Variants in CBL observed in about 807,000 individuals in gnomAD.
CBL encodes E3 ubiquitin-protein ligase CBL.
A neutral mutation model predicts 96.9 loss-of-function variants in CBL; 45 were observed. That is an observed-to-expected ratio of 0.46 (90% CI 0.37 to 0.60). The LOEUF (loss-of-function observed/expected upper bound fraction) is 0.60, where lower values mean the gene tolerates loss of function less well. CBL is among the 20% of genes least tolerant of loss of function. The pLI is 0.00. For synonymous variants in CBL, 420 were observed against 426.8 expected (o/e 0.98, Z 0.20); for missense variants, 1,024 against 1,143.5 (o/e 0.90, Z 1.51).
At chr11:119,224,699 T>C (rs1422165659) in intron 1 of CBL, among the ~76,000 whole-genome samples, 3 of 152,042 alleles carry the variant, frequency 2.0e-5, no homozygotes, top group African/African-American at 7.2e-5. Context: ...CAAGCGATTC[T>C]CCTGCGTCAG....
In CBL at chr11:119,278,267, C is replaced by A; in HGVS notation, c.1197C>A (p.Leu399=). 1 of 1,613,642 alleles carries A rather than the reference C, an allele frequency of 6.2e-7. No individual in the cohort carries two copies. The highest frequency in any genetic ancestry group is 8.5e-7 in the Non-Finnish European group (1 of 1,179,592). ...TAAAGATTGAGCCCTGTGGACACCT[C>A]ATGTGCACATCCTGTCTTACATCCT... The part of the protein sequence containing the change: ...KDVKIEPCGH[L]MCTSCLTSWQ... Residue 399 remains leucine (L), a synonymous_variant, in exon 8 of 16, where the codon CTC becomes CTA. Coordinates refer to ENST00000264033, the MANE Select transcript of CBL (RefSeq NM_005188.4).
intron 2 of CBL, among the ~76,000 whole-genome samples, chr11:119,269,474 G>A (rs1949827097): frequency 6.6e-6 from 1 of 151,480 alleles, no homozygotes; most frequent in Admixed American, 6.6e-5. Flanking sequence ...GAAAATTTTG[G>A]GATTACAGGC....
At chr11:119,238,811 A>G (rs1298418928) in intron 2 of CBL, among the ~76,000 whole-genome samples, 1 of 152,180 alleles carries the variant, frequency 6.6e-6, no homozygotes, top group African/African-American at 2.4e-5. Flanking sequence ...AGGCTGGGCA[A>G]CGGAGCGAGA....
intron 2 of CBL, among the ~76,000 whole-genome samples, chr11:119,254,176 G>A (rs1017021401): frequency 2.0e-5 from 3 of 151,784 alleles, no homozygotes; most frequent in East Asian, 1.9e-4. Context: ...GCAAGACCTC[G>A]TCTCTATAAA....
chr11:119,268,169 ATTGT>A (rs764699642), intron 2 of CBL, among the ~76,000 whole-genome samples: 9 of 152,168 alleles, frequency 5.9e-5, no homozygotes, highest in Non-Finnish European at 1.2e-4. Context: ...GTGAAAATTG[ATTGT>A]TTATTTTTTC....
chr11:119,292,263 C>T (rs766362527), intron 12 of CBL, among the ~76,000 whole-genome samples: 1 of 152,084 alleles, frequency 6.6e-6, no homozygotes, highest in East Asian at 1.9e-4. Flanking sequence ...GCCACTTTTC[C>T]TGAAAACAGA....
chr11:119,283,637 T>C (rs1340512093), intron 9 of CBL, among the ~76,000 whole-genome samples: 113 of 114,700 alleles, frequency 9.9e-4, no homozygotes, highest in Non-Finnish European at 1.7e-3. Context: ...TTTTTTTTTT[T>C]TTTTTTTTTT....
intron 2 of CBL, among the ~76,000 whole-genome samples, chr11:119,259,978 G>T (rs12277078): frequency 0.24 from 36,556 of 151,834 alleles, 4,741 homozygotes; most frequent in South Asian, 0.54. Context: ...AAGGGCACTA[G>T]CAAATGGACC....
At chr11:119,297,118 C>G in intron 13 of CBL, 84 bp downstream of exon 13, 1 of 808,602 alleles carries the variant, frequency 1.2e-6, no homozygotes, top group Non-Finnish European at 2.2e-6. Context: ...GCTACCTGCA[C>G]ATACTGTTAT....
At chr11:119,292,844 T>C (rs1206252106) in intron 12 of CBL, among the ~76,000 whole-genome samples, 3 of 152,220 alleles carry the variant, frequency 2.0e-5, no homozygotes, top group South Asian at 2.1e-4. Context: ...TGCCCAGTTT[T>C]ATTTTTCGAT....
At chr11:119,228,624 A>G (rs1354947161) in intron 1 of CBL, among the ~76,000 whole-genome samples, 9 of 151,920 alleles carry the variant, frequency 5.9e-5, no homozygotes, top group African/African-American at 2.2e-4. Context: ...AAAAAAAGGA[A>G]ATAGGGACAA....
intron 2 of CBL, among the ~76,000 whole-genome samples, chr11:119,247,843 T>C (rs1271938040): frequency 2.0e-5 from 3 of 152,056 alleles, no homozygotes; most frequent in Admixed American, 2.0e-4. Context: ...ACATAAGGAA[T>C]GAACAATCCA....
chr11:119,273,725 G>T, intron 3 of CBL, 143 bp from the exon 4 acceptor site: 1 of 759,942 alleles, frequency 1.3e-6, no homozygotes, highest in South Asian at 1.6e-5. Flanking sequence ...TTTTCTTAAA[G>T]AAGTTGACCT....
In CBL at chr11:119,307,936, A is replaced by AT. The variant is rs1950162236; in HGVS notation, c.*8156dup. On this transcript the variant is annotated 3_prime_UTR_variant, in exon 16 of 16. Coordinates refer to ENST00000264033, the MANE Select transcript of CBL (RefSeq NM_005188.4). The stretch of plus-strand genomic sequence containing the variant: ...AAAGAATAAGAAAAACAGAAGGTAA[A>AT]TATTCTTACAGAGAATAGCAGAGCT... 5.0e-6 allele frequency: 1 copy of AT among 198,090 alleles called. No homozygotes were observed. The highest frequency in any genetic ancestry group is 1.0e-5 in the Non-Finnish European group (1 of 95,490). 12.3% of individuals were successfully genotyped at this position (198,090 alleles called of 1,614,324 possible). A position where few individuals can be genotyped will look rare whatever the true frequency, so the allele number is the denominator to read the frequency against.
At chr11:119,209,072 C>A (rs1348506292) in intron 1 of CBL, among the ~76,000 whole-genome samples, 2 of 152,134 alleles carry the variant, frequency 1.3e-5, no homozygotes, top group Admixed American at 6.5e-5. Context: ...GCTCTGAAAA[C>A]GTAGTACTTT....
At chr11:119,206,638 G>C (rs981477489) in intron 1 of CBL, 26 bp downstream of exon 1, 1 of 1,542,474 alleles carries the variant, frequency 6.5e-7, no homozygotes, top group Non-Finnish European at 8.7e-7. Context: ...AGCGCCCGCT[G>C]TTGCAGGGTG....
chr11:119,293,066 GTATTTCC>G lies in CBL; in HGVS notation c.2037-3851_2037-3845del, dbSNP rs1423456310. On this transcript the variant is annotated intron_variant, in intron 12 of 15. Transcript: ENST00000264033. ...GTCTGTGTTGTATTTTTAAGTTCTA[GTATTTCC>G]ATGTGATTTTTAAAAATGTATCGAT... is the stretch of plus-strand genomic sequence containing the variant. 2.0e-5 allele frequency among the ~76,000 whole-genome samples: 3 copies of G among 151,772 alleles called. No individual in the cohort carries two copies. In the East Asian group the frequency reaches 5.8e-4, roughly 29 times the overall value.
chr11:119,213,293 ACTCC>A (rs1341803389), intron 1 of CBL, among the ~76,000 whole-genome samples: 3 of 151,920 alleles, frequency 2.0e-5, no homozygotes, highest in South Asian at 2.1e-4. Flanking sequence ...CTACTACTTC[ACTCC>A]CTCCCTTCCT....
intron 9 of CBL, among the ~76,000 whole-genome samples, chr11:119,282,766 G>A (rs982136439): frequency 6.6e-6 from 1 of 152,140 alleles, no homozygotes; most frequent in South Asian, 2.1e-4. Context: ...TAAACTACAA[G>A]TTGGGAAGTT....
Sources: allele counts gnomAD v4.1 joint callset (sites outside exome capture counted in the v4.1 genomes callset), GRCh38; gene constraint gnomAD v4.1.1; transcripts MANE v1.5; gene names NCBI Gene and HGNC (gene_info 2026-07-23, HGNC 2026-07-21).